The following DNAJC1 variants were observed in gnomAD, a reference collection of about 807,000 sequenced individuals.
DNAJC1 encodes the protein dnaJ homolog subfamily C member 1.
A neutral mutation model predicts 76.6 loss-of-function variants in DNAJC1; 58 were observed. The ratio of observed to expected loss-of-function variants is 0.76; its 90% CI spans 0.61 to 0.94. The LOEUF is 0.94. DNAJC1 is among the 40% of genes least tolerant of loss of function. The pLI is 0.00. For missense variants in DNAJC1, 689 were observed against 677.3 expected, an observed-to-expected ratio of 1.02 and a Z score of -0.19; for synonymous variants, 258 against 267.9, an observed-to-expected ratio of 0.96 and a Z score of 0.36.
intron 1 of DNAJC1, among the ~76,000 whole-genome samples, chr10:21,958,631 T>C (rs1837734521): frequency 6.6e-6 from 1 of 152,274 alleles, no homozygotes; most frequent in South Asian, 2.1e-4. Context: ...TTTCACCGTG[T>C]TAGCCAGGAC....
chr10:21,812,691 G>A (rs761071179), intron 8 of DNAJC1, among the ~76,000 whole-genome samples: 10 of 151,896 alleles, frequency 6.6e-5, no homozygotes, highest in African/African-American at 1.9e-4. Context: ...CTTGGCCTCC[G>A]CAGACATGAG....
intron 6 of DNAJC1, among the ~76,000 whole-genome samples, chr10:21,914,736 C>G (rs1188558771): frequency 2.0e-5 from 3 of 152,136 alleles, no homozygotes; most frequent in African/African-American, 7.2e-5. Flanking sequence ...TTAGCCTTAA[C>G]ACAGTATGAT....
intron 8 of DNAJC1, among the ~76,000 whole-genome samples, chr10:21,813,816 C>T (rs900864255): frequency 2.0e-5 from 3 of 152,116 alleles, no homozygotes; most frequent in Non-Finnish European, 2.9e-5. Flanking sequence ...TGTAATACAC[C>T]GCACTGGTTG....
intron 1 of DNAJC1, among the ~76,000 whole-genome samples, chr10:21,944,053 G>T (rs941241145): frequency 3.9e-5 from 6 of 152,058 alleles, no homozygotes; most frequent in African/African-American, 7.2e-5. Flanking sequence ...CAGAATACTT[G>T]CTGCAAGTGG....
chr10:21,930,609 T>A (rs1837206488), intron 1 of DNAJC1, among the ~76,000 whole-genome samples: 1 of 152,204 alleles, frequency 6.6e-6, no homozygotes, highest in Non-Finnish European at 1.5e-5. Context: ...ACTAGTATGT[T>A]ACCCAGGGTG....
At chr10:21,947,237 T>TA (rs966675642) in intron 1 of DNAJC1, among the ~76,000 whole-genome samples, 2 of 152,124 alleles carry the variant, frequency 1.3e-5, no homozygotes, top group Admixed American at 6.5e-5. Flanking sequence ...AGCAAGTAAT[T>TA]AAAAAAATCT....
chr10:21,760,754 T>C (rs1055060722), intron 10 of DNAJC1, among the ~76,000 whole-genome samples: 1 of 152,354 alleles, frequency 6.6e-6, no homozygotes, highest in Admixed American at 6.5e-5. Context: ...TCTAGCCTTT[T>C]TAAAGAACAA....
At chr10:21,811,674 C>G (rs1243260368) in intron 8 of DNAJC1, among the ~76,000 whole-genome samples, 1 of 152,124 alleles carries the variant, frequency 6.6e-6, no homozygotes, top group Non-Finnish European at 1.5e-5. Context: ...ATCTGTATCC[C>G]AATCTGTCTA....
At chr10:21,769,629 A>G (rs1415648661) in intron 9 of DNAJC1, among the ~76,000 whole-genome samples, 1 of 152,194 alleles carries the variant, frequency 6.6e-6, no homozygotes, top group Admixed American at 6.5e-5. Context: ...AATCTCTCAG[A>G]GGTCTCCTAG....
chr10:21,773,852 G>A (rs1038728049), intron 9 of DNAJC1, among the ~76,000 whole-genome samples: 1 of 150,064 alleles, frequency 6.7e-6, no homozygotes, highest in African/African-American at 2.5e-5. Context: ...ACATAAAGAT[G>A]TATAAAGGGC....
intron 9 of DNAJC1, among the ~76,000 whole-genome samples, chr10:21,791,431 C>G (rs1274588022): frequency 6.6e-6 from 1 of 152,088 alleles, no homozygotes; most frequent in Non-Finnish European, 1.5e-5. Flanking sequence ...CCAACAGCTA[C>G]AGAATACACA....
chr10:21,953,366 G>A (rs1278828783), intron 1 of DNAJC1, among the ~76,000 whole-genome samples: 3 of 151,684 alleles, frequency 2.0e-5, no homozygotes, highest in African/African-American at 7.3e-5. Context: ...AGATAGAAAT[G>A]TTTGACTCAA....
intron 8 of DNAJC1, among the ~76,000 whole-genome samples, chr10:21,824,051 C>A (rs1402061986): frequency 6.6e-6 from 1 of 152,080 alleles, no homozygotes; most frequent in East Asian, 1.9e-4. Context: ...ACATAGCAGG[C>A]TTACAATAAT....
intron 1 of DNAJC1, among the ~76,000 whole-genome samples, chr10:21,990,393 T>A (rs769609081): frequency 2.0e-5 from 3 of 152,164 alleles, no homozygotes; most frequent in Non-Finnish European, 4.4e-5. Context: ...AAGGCCTTAC[T>A]GTGTGGAGAA....
intron 1 of DNAJC1, among the ~76,000 whole-genome samples, chr10:21,973,500 G>T (rs980806128): frequency 1.3e-4 from 20 of 152,126 alleles, no homozygotes; most frequent in Non-Finnish European, 2.9e-5. Flanking sequence ...CACTTGGCTA[G>T]AACCCATCTT....
At chr10:21,786,501 G>GAGAA (rs1564787708) in intron 9 of DNAJC1, among the ~76,000 whole-genome samples, 1 of 145,652 alleles carries the variant, frequency 6.9e-6, no homozygotes, top group Admixed American at 6.9e-5. Flanking sequence ...GAGAGAGAGA[G>GAGAA]ATGGAGTCTC....
chr10:21,785,924 A>G (rs1284012218), intron 9 of DNAJC1, among the ~76,000 whole-genome samples: 1 of 152,230 alleles, frequency 6.6e-6, no homozygotes, highest in Non-Finnish European at 1.5e-5. Flanking sequence ...ATTGTTTGTT[A>G]TAGAGCGTTC....
At chr10:21,942,941 G>A (rs148919040) in intron 1 of DNAJC1, among the ~76,000 whole-genome samples, 95 of 151,860 alleles carry the variant, frequency 6.3e-4, no homozygotes, top group African/African-American at 2.2e-3. Flanking sequence ...CTTAGAGATA[G>A]TACAGACTAC....
intron 1 of DNAJC1, among the ~76,000 whole-genome samples, chr10:21,991,291 AC>A (rs1225050695): frequency 1.3e-5 from 2 of 152,198 alleles, no homozygotes; most frequent in Admixed American, 1.3e-4. Flanking sequence ...AATAAATAAC[AC>A]TTAAAGAATT....
Sources: gnomAD v4.1 joint callset for allele counts (sites outside exome capture counted in the v4.1 genomes callset) on GRCh38, gnomAD v4.1.1 for gene constraint, MANE v1.5 for transcripts, NCBI Gene and HGNC (gene_info 2026-07-23, HGNC 2026-07-21) for gene names.